ZNF425: variants seen among roughly 807,000 people sequenced by gnomAD.
The protein encoded by ZNF425 is zinc finger protein 425.
Under a neutral mutation model 17.0 loss-of-function variants are expected in ZNF425, and 21 were observed. That is an observed-to-expected ratio of 1.23 (90% CI 0.88 to 1.78). The LOEUF (loss-of-function observed/expected upper bound fraction) is 1.78, where lower values mean the gene tolerates loss of function less well. Among genes scored for constraint, ZNF425 ranks in the 40% most tolerant of loss-of-function variants. The probability of loss-of-function intolerance (pLI) is 0.00; values close to 1 mark genes in which losing one functional copy is unlikely to be tolerated. For synonymous variants in ZNF425, 433 were observed against 384.1 expected (o/e 1.13, Z -1.49); for missense variants, 868 against 967.3 (o/e 0.90, Z 1.36).
intron 3 of ZNF425, among the ~76,000 whole-genome samples, chr7:149,105,795 C>T (rs1460251919): frequency 1.3e-5 from 2 of 152,014 alleles, no homozygotes; most frequent in Admixed American, 6.6e-5. Flanking sequence ...GGACGACAGG[C>T]GCCCGCCACC....
At chr7:149,113,062 C>T (rs1278821551) in intron 2 of ZNF425, among the ~76,000 whole-genome samples, 1 of 149,136 alleles carries the variant, frequency 6.7e-6, no homozygotes, top group Non-Finnish European at 1.5e-5. Flanking sequence ...CTGCAACCTC[C>T]ACCTCCCAGG....
chr7:149,126,188 C>A lies in ZNF425; in HGVS notation c.18+8G>T. On this transcript the variant is annotated splice_region_variant and intron_variant, in intron 1 of 3. Transcript: ENST00000378061. ...ACAGAGCCTGCATCCTCCACCGGCC[C>A]TTCTTACCGAAGCCGGCTCGGCCAT... is the stretch of plus-strand genomic sequence containing the variant. 6.2e-7 allele frequency: 1 copy of A among 1,613,280 alleles called. No homozygotes were observed.
Position 149,104,433 on chromosome 7 carries a change from T to A in ZNF425, c.1438A>T (p.Thr480Ser), listed in dbSNP as rs1294011688. The stretch of plus-strand genomic sequence containing the variant: ...TGGCAGGCGAGCTTGGAAGGCCGCG[T>A]GAAGCGCTTGCCGCACTCGGCGCAG... ...FPCAECGKRF[T>S]RPSKLACHTR... Residue 480 changes from threonine (T) to serine (S), a missense_variant, in exon 4 of 4, where the codon ACG becomes TCG. Physicochemically the swap from Thr to Ser is moderately conservative, Grantham distance 58. Coordinates refer to ENST00000378061, the MANE Select transcript of ZNF425 (RefSeq NM_001001661.3). The surrounding 1 kb of genome is among the most constrained non-coding windows in gnomAD (Gnocchi z 4.3). The A allele has an allele frequency of 1.0e-5, 16 of 1,600,348 alleles. No individual in the cohort carries two copies. Among genetic ancestry groups the A allele is most frequent in the Admixed American group, 1.7e-5 (1 of 58,288 alleles).
At chr7:149,119,087 T>C (rs1030840661) in intron 1 of ZNF425, among the ~76,000 whole-genome samples, 1 of 151,034 alleles carries the variant, frequency 6.6e-6, no homozygotes, top group Non-Finnish European at 1.5e-5. Flanking sequence ...ACTGCTTAAG[T>C]TCAGGAGTTT....
chr7:149,123,774 C>A (rs904731216), intron 1 of ZNF425, among the ~76,000 whole-genome samples: 1 of 151,778 alleles, frequency 6.6e-6, no homozygotes, highest in Admixed American at 6.6e-5. Flanking sequence ...TCAGTTGATC[C>A]GCCCGCCTCG....
intron 3 of ZNF425, 55 bp from the exon 4 acceptor site, chr7:149,105,621 G>T: frequency 8.1e-7 from 1 of 1,228,714 alleles, no homozygotes; most frequent in Non-Finnish European, 1.1e-6. Flanking sequence ...CTATAAATGG[G>T]TTCAAGGACT....
At chr7:149,110,468 A>G (rs2129517996) in intron 3 of ZNF425, among the ~76,000 whole-genome samples, 1 of 151,268 alleles carries the variant, frequency 6.6e-6, no homozygotes, top group Middle Eastern at 3.4e-3. Flanking sequence ...CAGGAGGCTG[A>G]GGCAGGAGAA....
At chr7:149,108,497 C>T (rs1007602688) in intron 3 of ZNF425, among the ~76,000 whole-genome samples, 3 of 152,184 alleles carry the variant, frequency 2.0e-5, no homozygotes, top group African/African-American at 7.2e-5. Flanking sequence ...TTAACCCAGG[C>T]AGACGAGCAG....
chr7:149,116,904 C>T (rs925975488), intron 2 of ZNF425, among the ~76,000 whole-genome samples: 3 of 152,012 alleles, frequency 2.0e-5, no homozygotes, highest in African/African-American at 7.2e-5. Flanking sequence ...ATATAAATCC[C>T]CCAAGCAGGG....
intron 1 of ZNF425, 80 bp downstream of exon 1, chr7:149,126,115 TC>T (rs1198537193): frequency 3.1e-6 from 5 of 1,604,220 alleles, no homozygotes; most frequent in Non-Finnish European, 4.3e-6. Flanking sequence ...GCCGCCCCAC[TC>T]CCTGGACGCG....
chr7:149,125,058 A>G (rs1826435710), intron 1 of ZNF425, among the ~76,000 whole-genome samples: 1 of 152,204 alleles, frequency 6.6e-6, no homozygotes, highest in African/African-American at 2.4e-5. Flanking sequence ...ATTCCAGGAG[A>G]TTCCCAATCA....
chr7:149,105,606 C>T, intron 3 of ZNF425, 40 bp from the exon 4 acceptor site: 2 of 1,447,722 alleles, frequency 1.4e-6, no homozygotes, highest in Non-Finnish European at 1.8e-6. Context: ...AGTGATATGT[C>T]TACCCTATAA....
intron 1 of ZNF425, among the ~76,000 whole-genome samples, chr7:149,122,796 A>G (rs1266564100): frequency 6.6e-6 from 1 of 152,094 alleles, no homozygotes; most frequent in Non-Finnish European, 1.5e-5. Flanking sequence ...CCTTGGTTCA[A>G]GCAGTCCTCC....
intron 3 of ZNF425, among the ~76,000 whole-genome samples, chr7:149,111,527 G>C (rs1168760030): frequency 1.4e-5 from 2 of 146,192 alleles, no homozygotes; most frequent in Non-Finnish European, 3.0e-5. Flanking sequence ...GGGAGGCAGA[G>C]GTTGCAGTGA....
intron 1 of ZNF425, 34 bp downstream of exon 1, chr7:149,126,161 CG>C: frequency 3.1e-6 from 5 of 1,613,100 alleles, no homozygotes; most frequent in Non-Finnish European, 4.2e-6. Context: ...ACCCGAGTTT[CG>C]ACAGAGCCTG....
intron 1 of ZNF425, among the ~76,000 whole-genome samples, chr7:149,119,807 C>T (rs1252814361): frequency 1.3e-5 from 2 of 151,986 alleles, no homozygotes; most frequent in Non-Finnish European, 2.9e-5. Flanking sequence ...CAAGAATATA[C>T]TACAAATTTT....
intron 1 of ZNF425, among the ~76,000 whole-genome samples, chr7:149,124,048 C>T (rs1180431285): frequency 1.3e-5 from 2 of 149,868 alleles, no homozygotes; most frequent in Non-Finnish European, 1.5e-5. Context: ...GGGGTTTCAC[C>T]GTGTTAGCCA....
At chr7:149,117,756 G>T (rs1272142524) in intron 2 of ZNF425, among the ~76,000 whole-genome samples, 1 of 139,426 alleles carries the variant, frequency 7.2e-6, no homozygotes, top group Admixed American at 7.9e-5. Flanking sequence ...AGGTTCAAGC[G>T]ATTCTCCTGT....
In ZNF425 at chr7:149,103,777, C is replaced by G. The variant is rs1389634801; in HGVS notation, c.2094G>C (p.Glu698Asp). 4 of 1,614,216 alleles carry G rather than the reference C, an allele frequency of 2.5e-6. No homozygotes were observed. Among genetic ancestry groups the G allele is most frequent in the Non-Finnish European group, 3.4e-6 (4 of 1,180,054 alleles). Reference sequence around the variant, plus strand: ...TCTTCTGGAGGAAGCCTTTGCCACACTCGGGACACTGGAAGGGCCTCTCTC... The same window carrying G: ...TCTTCTGGAGGAAGCCTTTGCCACAGTCGGGACACTGGAAGGGCCTCTCTC... ...HSGERPFQCPECGKGFLQKRS... is the reference protein window; with the variant it reads ...HSGERPFQCPDCGKGFLQKRS... Residue 698 changes from glutamate (E) to aspartate (D), a missense_variant, in exon 4 of 4, where the codon GAG becomes GAC. Glu to Asp is a conservative substitution (Grantham distance 45). Around this residue, in one of 5 missense-constraint regions of ZNF425, gnomAD observed 437 missense variants for 444.2 expected, o/e 0.98. Coordinates refer to ENST00000378061, the MANE Select transcript of ZNF425 (RefSeq NM_001001661.3).
Sources: gnomAD v4.1 joint callset for allele counts (sites outside exome capture counted in the v4.1 genomes callset) on GRCh38, gnomAD v4.1.1 for gene constraint, gnomAD v4.1.1 regional missense constraint, Gnocchi (gnomAD v3.1) non-coding constraint, MANE v1.5 for transcripts, NCBI Gene and HGNC (gene_info 2026-07-23, HGNC 2026-07-21) for gene names.